LRRC4C: variants seen among roughly 807,000 people sequenced by gnomAD.
LRRC4C encodes the protein leucine rich repeat containing 4C, also known as leucine-rich repeat-containing protein 4C.
LRRC4C carries 5 observed loss-of-function variants against 33.6 expected under a neutral mutation model. The ratio of observed to expected loss-of-function variants is 0.15; its 90% CI spans 0.08 to 0.31. The LOEUF (loss-of-function observed/expected upper bound fraction) is 0.31, where lower values mean the gene tolerates loss of function less well. LRRC4C is among the 10% of genes least tolerant of loss of function. The pLI, the probability that LRRC4C is intolerant of heterozygous loss-of-function variation, is 1.00. For synonymous variants in LRRC4C, 329 were observed against 302.0 expected (o/e 1.09, Z -0.93); for missense variants, 560 against 796.7 (o/e 0.70, Z 3.58).
intron 3 of LRRC4C, among the ~76,000 whole-genome samples, chr11:40,589,246 TC>T (rs1307685175): frequency 6.6e-6 from 1 of 152,152 alleles, no homozygotes; most frequent in African/African-American, 2.4e-5. Context: ...CTTCTTTGTC[TC>T]TTTTGATCTT....
Position 40,326,675 on chromosome 11 carries a change from T to C in LRRC4C, c.-269-6954A>G, listed in dbSNP as rs534827423. ...ACAAAAAAACATTGCTTCTGGAGTA[T>C]TATAAAGACATTGCTAGAAATTGAA... On this transcript the variant is annotated intron_variant, in intron 3 of 6. Coordinates refer to ENST00000528697, the MANE Select transcript of LRRC4C (RefSeq NM_001258419.2). Among the ~76,000 whole-genome samples, 6 of 152,240 alleles carry C rather than the reference T, an allele frequency of 3.9e-5. No homozygotes were observed. The South Asian group carries it at 1.0e-3, about 26-fold the overall frequency.
intron 1 of LRRC4C, among the ~76,000 whole-genome samples, chr11:40,964,715 G>A (rs1851218191): frequency 6.6e-6 from 1 of 151,668 alleles, no homozygotes; most frequent in South Asian, 2.1e-4. Context: ...CTTTTTTATG[G>A]CTGCATAGTA....
chr11:41,452,963 CAATTA>C (rs1452815944), intron 1 of LRRC4C, among the ~76,000 whole-genome samples: 32 of 151,964 alleles, frequency 2.1e-4, no homozygotes, highest in African/African-American at 7.2e-4. Context: ...TACTGAGTAC[CAATTA>C]AATTCTAATC....
At chr11:41,101,819 A>G (rs1263726464) in intron 1 of LRRC4C, among the ~76,000 whole-genome samples, 2 of 152,110 alleles carry the variant, frequency 1.3e-5, no homozygotes, top group African/African-American at 4.8e-5. Context: ...AAAAGAGAGC[A>G]TTACCTTTGC....
intron 1 of LRRC4C, among the ~76,000 whole-genome samples, chr11:41,221,589 A>G (rs976787939): frequency 6.6e-6 from 1 of 152,206 alleles, no homozygotes; most frequent in African/African-American, 2.4e-5. Flanking sequence ...TATTATAAAG[A>G]CATATGCAGG....
At chr11:41,428,515 T>C (rs1955121790) in intron 1 of LRRC4C, among the ~76,000 whole-genome samples, 1 of 152,122 alleles carries the variant, frequency 6.6e-6, no homozygotes, top group Non-Finnish European at 1.5e-5. Flanking sequence ...CTAACAATAA[T>C]GAAATCCCCA....
At chr11:40,884,705 T>C (rs889393465) in intron 2 of LRRC4C, among the ~76,000 whole-genome samples, 17 of 152,254 alleles carry the variant, frequency 1.1e-4, no homozygotes, top group Admixed American at 9.2e-4. Flanking sequence ...TCAAATTTGA[T>C]AATGATACTA....
chr11:40,506,197 A>T (rs1282311476), intron 3 of LRRC4C, among the ~76,000 whole-genome samples: 6 of 152,188 alleles, frequency 3.9e-5, no homozygotes, highest in Non-Finnish European at 7.4e-5. Flanking sequence ...CAGTTTATTC[A>T]ACTTAATTCA....
At chr11:41,028,570 GACACACACACACACACAC>G (rs57827895) in intron 1 of LRRC4C, among the ~76,000 whole-genome samples, 1 of 147,314 alleles carries the variant, frequency 6.8e-6, no homozygotes, top group African/African-American at 2.5e-5. Flanking sequence ...TAGTATTCAC[GACACACACACACACACAC>G]ACACACACAC....
At chr11:40,187,712 T>A (rs773570967) in intron 5 of LRRC4C, among the ~76,000 whole-genome samples, 8 of 152,224 alleles carry the variant, frequency 5.3e-5, no homozygotes, top group African/African-American at 1.4e-4. Context: ...ATACACTGCC[T>A]CCTTTCTGGA....
chr11:40,808,960 C>T (rs570945223), intron 2 of LRRC4C, among the ~76,000 whole-genome samples: 4 of 152,086 alleles, frequency 2.6e-5, no homozygotes, highest in Non-Finnish European at 5.9e-5. Context: ...AATCACTACC[C>T]AACCTCTCTC....
At chr11:40,383,270 C>T (rs1319722947) in intron 3 of LRRC4C, among the ~76,000 whole-genome samples, 1 of 152,028 alleles carries the variant, frequency 6.6e-6, no homozygotes, top group Non-Finnish European at 1.5e-5. Flanking sequence ...TGGATGGACA[C>T]TTAGGTTGTT....
Position 41,009,568 on chromosome 11 carries a change from GAAAAAA to G in LRRC4C, c.-495-75851_-495-75846del, listed in dbSNP as rs141703629. 4.7e-3 allele frequency among the ~76,000 whole-genome samples: 717 copies of G among 151,242 alleles called. 7 individuals are homozygous for G. Among genetic ancestry groups the G allele is most frequent in the African/African-American group, 0.016 (646 of 41,298 alleles). On this transcript the variant is annotated intron_variant, in intron 1 of 6. Transcript: ENST00000528697. ...CTCATGTATAAATTGACAAATTCAA[GAAAAAA>G]AAATCAGAGAATCTGGGTGCCTGCA...
At chr11:40,578,034 C>T (rs917277188) in intron 3 of LRRC4C, among the ~76,000 whole-genome samples, 20 of 150,596 alleles carry the variant, frequency 1.3e-4, no homozygotes, top group African/African-American at 2.4e-5. Context: ...CGGGGTTTCA[C>T]CGTGTTAGCC....
chr11:40,722,165 A>C (rs1221973554), intron 2 of LRRC4C, among the ~76,000 whole-genome samples: 2 of 152,084 alleles, frequency 1.3e-5, no homozygotes, highest in Non-Finnish European at 2.9e-5. Flanking sequence ...GGAGGGAGAT[A>C]TTTTTATTTA....
intron 4 of LRRC4C, among the ~76,000 whole-genome samples, chr11:40,279,247 G>A (rs1032576611): frequency 6.6e-6 from 1 of 152,068 alleles, no homozygotes; most frequent in Non-Finnish European, 1.5e-5. Flanking sequence ...ACTGAGACAG[G>A]TCCAAGAGAT....
At chr11:40,748,506 A>C (rs1437971638) in intron 2 of LRRC4C, among the ~76,000 whole-genome samples, 1 of 152,090 alleles carries the variant, frequency 6.6e-6, no homozygotes, top group African/African-American at 2.4e-5. Flanking sequence ...TGAGGAAGAG[A>C]AAGGACTCAA....
At chr11:40,284,750 G>A (rs1368253290) in intron 4 of LRRC4C, among the ~76,000 whole-genome samples, 1 of 152,102 alleles carries the variant, frequency 6.6e-6, no homozygotes, top group Admixed American at 6.5e-5. Context: ...ATTTAAAACT[G>A]TAAATATCCA....
At chr11:41,369,594 A>G (rs1215144451) in intron 1 of LRRC4C, among the ~76,000 whole-genome samples, 2 of 152,090 alleles carry the variant, frequency 1.3e-5, no homozygotes, top group South Asian at 4.1e-4. Context: ...TGAGCTGAAG[A>G]TAAGATCAGT....
Sources: allele counts gnomAD v4.1 joint callset (sites outside exome capture counted in the v4.1 genomes callset), GRCh38; gene constraint gnomAD v4.1.1; transcripts MANE v1.5; gene names NCBI Gene and HGNC (gene_info 2026-07-23, HGNC 2026-07-21).